The following RNF150 variants were observed in gnomAD, a reference collection of about 807,000 sequenced individuals.
The protein encoded by RNF150 is ring finger protein 150.
Under a neutral mutation model 39.3 loss-of-function variants are expected in RNF150, and 24 were observed. That is an observed-to-expected ratio of 0.61 (90% CI 0.44 to 0.86). The LOEUF (loss-of-function observed/expected upper bound fraction) is 0.86, where lower values mean the gene tolerates loss of function less well. Among genes scored for constraint, RNF150 ranks in the 40% least tolerant of loss-of-function variants. The pLI, the probability that RNF150 is intolerant of heterozygous loss-of-function variation, is 0.00. For missense variants in RNF150, 502 were observed against 587.8 expected, an observed-to-expected ratio of 0.85 and a Z score of 1.51; for synonymous variants, 255 against 227.3, an observed-to-expected ratio of 1.12 and a Z score of -1.10.
intron 1 of RNF150, among the ~76,000 whole-genome samples, chr4:141,064,264 G>A (rs1324104015): frequency 1.3e-5 from 2 of 152,194 alleles, no homozygotes. Context: ...GGTGAGATCT[G>A]AACGTCGTGG....
chr4:141,169,488 A>C (rs182884179), intron 1 of RNF150, among the ~76,000 whole-genome samples: 2 of 152,294 alleles, frequency 1.3e-5, no homozygotes, highest in Admixed American at 1.3e-4. Context: ...AATTTTTAAT[A>C]ATTATAGTTT....
chr4:141,093,483 A>G (rs1738671428), intron 1 of RNF150, among the ~76,000 whole-genome samples: 1 of 152,222 alleles, frequency 6.6e-6, no homozygotes, highest in Admixed American at 6.5e-5. Flanking sequence ...TAGAAGAGTT[A>G]GCAGTTGGGG....
At chr4:141,200,314 G>A (rs1363708203) in intron 1 of RNF150, among the ~76,000 whole-genome samples, 8 of 151,946 alleles carry the variant, frequency 5.3e-5, no homozygotes. Flanking sequence ...CCATTGATGA[G>A]GATTCCATCC....
At chr4:140,957,922 T>C (rs902758281) in intron 2 of RNF150, among the ~76,000 whole-genome samples, 2 of 146,314 alleles carry the variant, frequency 1.4e-5, no homozygotes, top group East Asian at 2.2e-4. Flanking sequence ...AGGGATAGCA[T>C]TGGGAGATAT....
chr4:140,986,814 A>G (rs965519410), intron 1 of RNF150, among the ~76,000 whole-genome samples: 3 of 152,056 alleles, frequency 2.0e-5, no homozygotes, highest in African/African-American at 7.2e-5. Flanking sequence ...GGCATCCAAA[A>G]AGGAAAAGAA....
chr4:141,191,695 T>C (rs1339046176), intron 1 of RNF150, among the ~76,000 whole-genome samples: 25 of 152,248 alleles, frequency 1.6e-4, no homozygotes. Flanking sequence ...ACTTTGTAGA[T>C]GTATTGATAT....
intron 1 of RNF150, among the ~76,000 whole-genome samples, chr4:141,185,458 A>C (rs1168079141): frequency 6.6e-6 from 1 of 151,932 alleles, no homozygotes; most frequent in Non-Finnish European, 1.5e-5. Context: ...CTAAATATAC[A>C]ATCACGTCAT....
chr4:141,018,727 C>A (rs905183654), intron 1 of RNF150, among the ~76,000 whole-genome samples: 2 of 152,028 alleles, frequency 1.3e-5, no homozygotes, highest in Non-Finnish European at 2.9e-5. Context: ...CCATTGCTTG[C>A]CAGTGTAGTC....
At chr4:141,142,088 C>T (rs980784200) in intron 1 of RNF150, among the ~76,000 whole-genome samples, 142 of 151,980 alleles carry the variant, frequency 9.3e-4, no homozygotes, top group African/African-American at 3.2e-3. Flanking sequence ...CTCCTTTGAA[C>T]GTTTTATACC....
At position 141,084,447 on chromosome 4, in the gene RNF150, C is replaced by A. The variant is rs888064923; in HGVS notation, c.484+47878G>T. 2.6e-5 allele frequency among the ~76,000 whole-genome samples: 4 copies of A among 152,136 alleles called. No homozygotes were observed. In the South Asian group the frequency reaches 8.3e-4, roughly 32 times the overall value. ...GGTAAATACTAGGAATACAATATTT[C>A]AAAAATAATGTCAATAACTATTTTA... On this transcript the variant is annotated intron_variant, in intron 1 of 6. Coordinates refer to ENST00000515673, the MANE Select transcript of RNF150 (RefSeq NM_020724.2).
At chr4:140,932,371 A>C (rs1266484507) in intron 4 of RNF150, among the ~76,000 whole-genome samples, 1 of 152,234 alleles carries the variant, frequency 6.6e-6, no homozygotes, top group Non-Finnish European at 1.5e-5. Context: ...TGTTACATAC[A>C]TAATTAAATC....
chr4:141,046,245 G>A (rs1390731309), intron 1 of RNF150, among the ~76,000 whole-genome samples: 1 of 152,102 alleles, frequency 6.6e-6, no homozygotes, highest in Admixed American at 6.5e-5. Context: ...ACCTTAGATG[G>A]GGGAATACAC....
chr4:140,946,505 G>A (rs1013747590), intron 4 of RNF150, among the ~76,000 whole-genome samples: 7 of 151,584 alleles, frequency 4.6e-5, no homozygotes, highest in African/African-American at 7.3e-5. Flanking sequence ...ACAAGGTCTC[G>A]CTGTCGCCCA....
chr4:141,155,367 G>T (rs928576806), intron 1 of RNF150, among the ~76,000 whole-genome samples: 1 of 151,712 alleles, frequency 6.6e-6, no homozygotes, highest in Non-Finnish European at 1.5e-5. Context: ...CAAAATGCTG[G>T]GATTACAGGC....
intron 1 of RNF150, among the ~76,000 whole-genome samples, chr4:141,152,505 A>G (rs567755778): frequency 1.3e-5 from 2 of 151,112 alleles, no homozygotes; most frequent in East Asian, 3.9e-4. Context: ...CCATGTATTT[A>G]TTTTATTATT....
chr4:141,041,640 G>A (rs1179672389), intron 1 of RNF150, among the ~76,000 whole-genome samples: 1 of 151,930 alleles, frequency 6.6e-6, no homozygotes, highest in Non-Finnish European at 1.5e-5. Flanking sequence ...GCCTAAAAAA[G>A]GTCTACAGAT....
chr4:140,976,532 T>C (rs1050463408), intron 1 of RNF150, among the ~76,000 whole-genome samples: 5 of 151,968 alleles, frequency 3.3e-5, no homozygotes, highest in Non-Finnish European at 7.4e-5. Flanking sequence ...ATCCTGGACC[T>C]TGTCAGCACT....
intron 1 of RNF150, among the ~76,000 whole-genome samples, chr4:141,116,968 A>C (rs912886724): frequency 1.5e-4 from 22 of 151,636 alleles, no homozygotes; most frequent in African/African-American, 4.8e-4. Flanking sequence ...AGGAAGGGGA[A>C]CATCACACAC....
rs144104935 is a variant in RNF150, at chr4:141,104,573, T to C, written c.484+27752A>G. On this transcript the variant is annotated intron_variant, in intron 1 of 6. Coordinates refer to ENST00000515673, the MANE Select transcript of RNF150 (RefSeq NM_020724.2). ...GGTACATTCAATGTTGTGCAAAACA[T>C]TGCTTCCCCATCTCTGAAGCCGACA... Among the ~76,000 whole-genome samples, 1,096 of 152,246 alleles carry C rather than the reference T, an allele frequency of 7.2e-3. 16 individuals are homozygous for C. Among genetic ancestry groups the C allele is most frequent in the African/African-American group, 0.024 (1,015 of 41,540 alleles).
Sources: allele counts gnomAD v4.1 joint callset (sites outside exome capture counted in the v4.1 genomes callset), GRCh38; gene constraint gnomAD v4.1.1; transcripts MANE v1.5; gene names NCBI Gene and HGNC (gene_info 2026-07-23, HGNC 2026-07-21).